PCDHGB5: variants seen among roughly 807,000 people sequenced by gnomAD.
PCDHGB5 encodes protocadherin gamma-B5.
A neutral mutation model predicts 62.9 loss-of-function variants in PCDHGB5; 48 were observed. The ratio of observed to expected loss-of-function variants is 0.76; its 90% confidence interval spans 0.61 to 0.97. The LOEUF is 0.97. Among genes scored for constraint, PCDHGB5 ranks in the 50% least tolerant of loss-of-function variants. The pLI is 0.00. For synonymous variants in PCDHGB5, 474 were observed against 511.2 expected (o/e 0.93, Z 0.98); for missense variants, 1,118 against 1,198.6 (o/e 0.93, Z 0.99).
At chr5:141,466,034 A>T (rs189202430) in intron 1 of PCDHGB5, among the ~76,000 whole-genome samples, 1,557 of 152,178 alleles carry the variant, frequency 0.01, 35 homozygotes, top group African/African-American at 0.035. Flanking sequence ...AGGCAGGAGA[A>T]CGGCATGAAC....
rs369940443 is a variant in PCDHGB5, at chr5:141,477,841, C to G, written c.2398-16966C>G. 6.2e-7 allele frequency: 1 copy of G among 1,613,308 alleles called. No individual in the cohort carries two copies. The highest frequency in any genetic ancestry group is 1.3e-5 in the African/African-American group (1 of 74,700). On this transcript the variant is annotated intron_variant, in intron 1 of 3. Coordinates refer to ENST00000617380, the MANE Select transcript of PCDHGB5 (RefSeq NM_018925.3). The surrounding 1 kb of genome is among the most constrained non-coding windows in gnomAD (Gnocchi z 4.9). ...TCCTATATCCTCGGCCAGGTGGGAG[C>G]TCGGTGGAGATGCTGCCTCGAGGTA...
intron 1 of PCDHGB5, among the ~76,000 whole-genome samples, chr5:141,455,393 C>G (rs574741955): frequency 6.4e-4 from 97 of 152,150 alleles, no homozygotes; most frequent in African/African-American, 2.2e-3. Flanking sequence ...GAAGGAGCTC[C>G]CCCTTACAGA....
chr5:141,441,671 C>T (rs1027440120), intron 1 of PCDHGB5: 1 of 287,648 alleles, frequency 3.5e-6, no homozygotes, highest in African/African-American at 2.3e-5. Flanking sequence ...GCGCACAGTG[C>T]GCCTTCGACC....
At chr5:141,403,172 C>G (rs1230059414) in intron 1 of PCDHGB5, 13 of 1,613,900 alleles carry the variant, frequency 8.1e-6, no homozygotes, top group Non-Finnish European at 1.1e-5. Flanking sequence ...TAGGACGCAG[C>G]TTTTCTCTCT....
Position 141,431,003 on chromosome 5 carries a change from G to C in PCDHGB5, c.2397+30479G>C. The C allele has an allele frequency of 6.2e-7, 1 of 1,614,078 alleles. No individual in the cohort carries two copies. The highest frequency in any genetic ancestry group is 8.5e-7 in the Non-Finnish European group (1 of 1,179,974). On this transcript the variant is annotated intron_variant, in intron 1 of 3. Transcript: ENST00000617380. The surrounding 1 kb of genome is among the most constrained non-coding windows in gnomAD (Gnocchi z 4.8). ...GCTTTTCGCCCTGAATCCGCGCAGC[G>C]GCAGCTTGGTCACGGCGGGCAGGAT... is the stretch of plus-strand genomic sequence containing the variant.
intron 1 of PCDHGB5, among the ~76,000 whole-genome samples, chr5:141,492,437 C>T (rs182333697): frequency 8.5e-5 from 13 of 152,332 alleles, no homozygotes; most frequent in Admixed American, 8.5e-4. Flanking sequence ...CAGGAGTACT[C>T]GTAGCTGATT....
chr5:141,511,115 A>G lies in PCDHGB5; in HGVS notation c.2714A>G (p.Lys905Arg). 6.2e-7 allele frequency: 1 copy of G among 1,614,214 alleles called. No individual in the cohort carries two copies. Among genetic ancestry groups the G allele is most frequent in the Non-Finnish European group, 8.5e-7 (1 of 1,180,006 alleles). ...AACGCAGCTGGCAAGCGGGATGGCA[A>G]GGCCCCAGCAGGTGGCAATGGCAAC... Reference protein sequence around the residue: ...LTNAAGKRDGKAPAGGNGNKK... With the variant: ...LTNAAGKRDGRAPAGGNGNKK... Residue 905 changes from lysine (K) to arginine (R), a missense_variant, in exon 4 of 4, where the codon AAG becomes AGG. Coordinates refer to ENST00000617380, the MANE Select transcript of PCDHGB5 (RefSeq NM_018925.3).
intron 2 of PCDHGB5, among the ~76,000 whole-genome samples, chr5:141,500,176 A>G (rs922155744): frequency 1.4e-5 from 2 of 145,916 alleles, no homozygotes; most frequent in Admixed American, 1.4e-4. Flanking sequence ...CATGAGCTTC[A>G]TTTTTATTTT....
chr5:141,498,786 A>T (rs2099785591), intron 2 of PCDHGB5, among the ~76,000 whole-genome samples: 1 of 152,050 alleles, frequency 6.6e-6, no homozygotes, highest in East Asian at 1.9e-4. Context: ...ACAAAATATT[A>T]GCCAGGTGTG....
chr5:141,476,820 T>C lies in PCDHGB5; in HGVS notation c.2398-17987T>C, dbSNP rs368919360. 6.2e-7 allele frequency: 1 copy of C among 1,613,594 alleles called. No individual in the cohort carries two copies. Among genetic ancestry groups the C allele is most frequent in the African/African-American group, 1.3e-5 (1 of 75,066 alleles). The stretch of plus-strand genomic sequence containing the variant: ...AGCCTGCCTATTCACATCAAGGTGC[T>C]GGACGCGAATGACAATGCGCCTGTC... On this transcript the variant is annotated intron_variant, in intron 1 of 3. Transcript: ENST00000617380. This position sits in a 1 kb window ranked among gnomAD's most constrained non-coding sequence, Gnocchi z 7.6.
At chr5:141,413,352 G>T in intron 1 of PCDHGB5, 11 of 1,613,976 alleles carry the variant, frequency 6.8e-6, no homozygotes, top group Non-Finnish European at 9.3e-6. Flanking sequence ...TGGGTCTGGC[G>T]CCCCGGGAGC....
intron 1 of PCDHGB5, chr5:141,420,166 A>G: frequency 1.2e-6 from 2 of 1,614,036 alleles, no homozygotes; most frequent in Non-Finnish European, 1.7e-6. Flanking sequence ...ATTTTTTCAC[A>G]TCTGTTGATC....
chr5:141,433,547 C>G (rs2097621028), intron 1 of PCDHGB5, among the ~76,000 whole-genome samples: 1 of 152,086 alleles, frequency 6.6e-6, no homozygotes, highest in South Asian at 2.1e-4. Context: ...ATCAGATATT[C>G]TTTTCTGGCT....
In PCDHGB5 at chr5:141,431,183, A is replaced by G. The variant is rs1467232519; in HGVS notation, c.2397+30659A>G. Reference sequence around the variant, plus strand: ...TCGTGAAAGTGAATTAGAAATAAAAATTAGTGAAAATGCAGCCACTGAGAT... The same window carrying G: ...TCGTGAAAGTGAATTAGAAATAAAAGTTAGTGAAAATGCAGCCACTGAGAT... On this transcript the variant is annotated intron_variant, in intron 1 of 3. Transcript: ENST00000617380. The surrounding 1 kb of genome is among the most constrained non-coding windows in gnomAD (Gnocchi z 4.8). 1 of 1,614,218 alleles carries G rather than the reference A, an allele frequency of 6.2e-7. No individual in the cohort carries two copies. The highest frequency in any genetic ancestry group is 2.2e-5 in the East Asian group (1 of 44,880).
At chr5:141,500,340 C>A (rs188966393) in intron 2 of PCDHGB5, among the ~76,000 whole-genome samples, 92 of 152,066 alleles carry the variant, frequency 6.0e-4, no homozygotes, top group African/African-American at 2.1e-3. Flanking sequence ...TCCAGAATAG[C>A]TGGGACTACA....
At chr5:141,412,939 C>G in intron 1 of PCDHGB5, 1 of 461,988 alleles carries the variant, frequency 2.2e-6, no homozygotes, top group Non-Finnish European at 3.8e-6. Context: ...TCTTAGGACT[C>G]TGAGCGCCGC....
intron 1 of PCDHGB5, among the ~76,000 whole-genome samples, chr5:141,402,245 A>G (rs1196349685): frequency 6.6e-6 from 1 of 152,078 alleles, no homozygotes; most frequent in East Asian, 1.9e-4. Flanking sequence ...TTTATCATCA[A>G]AATAAACCCC....
chr5:141,425,844 G>C (rs985746948), intron 1 of PCDHGB5, among the ~76,000 whole-genome samples: 1 of 152,104 alleles, frequency 6.6e-6, no homozygotes, highest in Admixed American at 6.6e-5. Flanking sequence ...CTCTTTGCTG[G>C]GTTAATGACT....
chr5:141,403,634 A>T, intron 1 of PCDHGB5: 1 of 1,613,920 alleles, frequency 6.2e-7, no homozygotes, highest in Non-Finnish European at 8.5e-7. Flanking sequence ...CACAGTGCGC[A>T]TCCATGTGAC....
Sources: gnomAD v4.1 joint callset for allele counts (sites outside exome capture counted in the v4.1 genomes callset) on GRCh38, gnomAD v4.1.1 for gene constraint, Gnocchi (gnomAD v3.1) non-coding constraint, MANE v1.5 for transcripts, NCBI Gene and HGNC (gene_info 2026-07-23, HGNC 2026-07-21) for gene names.